Variants in RTN1 observed in about 807,000 individuals in gnomAD.
RTN1 encodes the protein reticulon 1.
RTN1 carries 25 observed loss-of-function variants against 65.5 expected under a neutral mutation model. That is an observed-to-expected ratio of 0.38 (90% confidence interval 0.28 to 0.53). The LOEUF is 0.53. Among genes scored for constraint, RTN1 ranks in the 20% least tolerant of loss-of-function variants. The pLI, the probability that RTN1 is intolerant of heterozygous loss-of-function variation, is 0.79. For missense variants in RTN1, 983 were observed against 1,025.4 expected (o/e 0.96, Z 0.57); for synonymous variants, 471 against 447.6 (o/e 1.05, Z -0.66).
At position 59,746,117 on chromosome 14, in the gene RTN1, G is replaced by C. The variant is rs774073373; in HGVS notation, c.606C>G (p.Pro202=). The C allele has an allele frequency of 1.3e-5, 21 of 1,612,318 alleles. No homozygotes were observed. Among genetic ancestry groups the C allele is most frequent in the Non-Finnish European group, 1.7e-5 (20 of 1,179,478 alleles). Reference sequence around the variant, plus strand: ...GTTGTTCTTGGTGCTTCACCTCCTCGGGTCTGGTTATGTCAATGTATTTAT... The same window carrying C: ...GTTGTTCTTGGTGCTTCACCTCCTCCGGTCTGGTTATGTCAATGTATTTAT... ...EAYKYIDITR[P]EEVKHQEQHH... The change falls in exon 2 of 9, where the codon CCC becomes CCG. Residue 202 remains proline (P), a synonymous_variant. Transcript: ENST00000267484.
chr14:59,809,908 CT>C (rs1886698961), intron 1 of RTN1, among the ~76,000 whole-genome samples: 1 of 152,092 alleles, frequency 6.6e-6, no homozygotes, highest in Admixed American at 6.6e-5. Context: ...GAAGGGAAAA[CT>C]TCTGAAATAA....
At chr14:59,615,604 C>CT (rs1295167056) in intron 3 of RTN1, among the ~76,000 whole-genome samples, 3 of 152,162 alleles carry the variant, frequency 2.0e-5, no homozygotes, top group African/African-American at 7.2e-5. Flanking sequence ...TTGTGAAAAT[C>CT]TTACCCTATG....
At chr14:59,667,484 C>T (rs1415780440) in intron 3 of RTN1, among the ~76,000 whole-genome samples, 1 of 152,110 alleles carries the variant, frequency 6.6e-6, no homozygotes, top group Admixed American at 6.6e-5. Context: ...ATATTTTTGA[C>T]AGACCCATAG....
At chr14:59,807,400 G>A (rs529416276) in intron 1 of RTN1, among the ~76,000 whole-genome samples, 8 of 152,310 alleles carry the variant, frequency 5.3e-5, no homozygotes, top group South Asian at 2.1e-4. Flanking sequence ...AAGCTCTTTA[G>A]GGATGGGTGT....
chr14:59,865,724 C>T (rs574295436), intron 1 of RTN1, among the ~76,000 whole-genome samples: 10 of 152,248 alleles, frequency 6.6e-5, no homozygotes, highest in African/African-American at 2.4e-4. Flanking sequence ...TATGTAGATA[C>T]GTTTGTCTCT....
At chr14:59,857,892 C>T (rs958879925) in intron 1 of RTN1, among the ~76,000 whole-genome samples, 1 of 152,190 alleles carries the variant, frequency 6.6e-6, no homozygotes, top group African/African-American at 2.4e-5. Context: ...AAACTAGGCT[C>T]ATCATTGCTC....
chr14:59,852,943 G>T (rs562258900), intron 1 of RTN1, among the ~76,000 whole-genome samples: 1 of 152,216 alleles, frequency 6.6e-6, no homozygotes, highest in African/African-American at 2.4e-5. Flanking sequence ...TTCATACTTT[G>T]TGTCTGTGTA....
chr14:59,831,227 A>G (rs74061330), intron 1 of RTN1, among the ~76,000 whole-genome samples: 1,525 of 152,330 alleles, frequency 0.01, 38 homozygotes, highest in African/African-American at 0.035. Context: ...TGGTGTTTTT[A>G]TGAAGATGTT....
rs922808698 is a variant in RTN1, at chr14:59,766,285, T to C, written c.242-19804A>G. On this transcript the variant is annotated intron_variant, in intron 1 of 8. Transcript: ENST00000267484. The surrounding 1 kb of genome is among the most constrained non-coding windows in gnomAD (Gnocchi z 4.4). ...ATTTAATCTGTGCCTCAACACAAGG[T>C]AGTTTTCGAAATAAATGCTTACTGA... Among the ~76,000 whole-genome samples the C allele has an allele frequency of 1.3e-5, 2 of 152,020 alleles. No homozygotes were observed. The highest frequency in any genetic ancestry group is 2.9e-5 in the Non-Finnish European group (2 of 68,020).
rs10148755 is a variant in RTN1 at position 59,596,589 on chromosome 14, G to T, written c.*156C>A. On this transcript the variant is annotated 3_prime_UTR_variant, in exon 9 of 9. Transcript: ENST00000267484. ...TGACTCAAATATCCTAAGAGTACAA[G>T]GAACAGCCTAAAAACAGCTGTTTTA... 1.0e-4 allele frequency: 65 copies of T among 646,830 alleles called. No individual in the cohort carries two copies. In the Admixed American group the frequency reaches 1.5e-3, roughly 15 times the overall value. The allele number at this position is 646,830 out of a possible 1,614,324, so 40.1% of individuals were successfully genotyped here. A position where few individuals can be genotyped will look rare whatever the true frequency, so the allele number is the denominator to read the frequency against.
intron 3 of RTN1, among the ~76,000 whole-genome samples, chr14:59,638,134 G>A (rs959580955): frequency 6.7e-6 from 1 of 148,832 alleles, no homozygotes; most frequent in Admixed American, 6.8e-5. Flanking sequence ...TTACAGGCAT[G>A]AGCCACTGCG....
Position 59,814,075 on chromosome 14 carries a change from C to T in RTN1, c.241+56315G>A, listed in dbSNP as rs79976242. Among the ~76,000 whole-genome samples, 353 of 152,278 alleles carry T rather than the reference C, an allele frequency of 2.3e-3. 4 individuals carry two copies. Among genetic ancestry groups the T allele is most frequent in the East Asian group, 0.019 (100 of 5,180 alleles). On this transcript the variant is annotated intron_variant, in intron 1 of 8. Transcript: ENST00000267484. ...ACTCCTGTGAAGCCCAGAGTCCTGC[C>T]TTTCCACAAAGCCTTATTTGACTTA... is the stretch of plus-strand genomic sequence containing the variant.
rs371116690 is a variant in RTN1 at position 59,694,003 on chromosome 14, T to C, written c.1765+32916A>G. ...CTGCTCAGAACCAGGCTGAGTTTTT[T>C]AGTTCCCTTCACCTCAACCTCAATT... On this transcript the variant is annotated intron_variant, in intron 3 of 8. Transcript: ENST00000267484. Among the ~76,000 whole-genome samples the C allele has an allele frequency of 7.9e-5, 12 of 152,326 alleles. No homozygotes were observed. In the South Asian group the frequency reaches 1.2e-3, roughly 16 times the overall value.
intron 2 of RTN1, among the ~76,000 whole-genome samples, chr14:59,736,203 G>C (rs1410152609): frequency 1.3e-5 from 2 of 151,774 alleles, no homozygotes; most frequent in East Asian, 3.9e-4. Context: ...AGGAGACAGA[G>C]ACATGAAAAA....
At chr14:59,861,665 T>C (rs1235734546) in intron 1 of RTN1, among the ~76,000 whole-genome samples, 2 of 152,224 alleles carry the variant, frequency 1.3e-5, no homozygotes, top group African/African-American at 4.8e-5. Flanking sequence ...TATTAGAACA[T>C]TTTCTTTCAT....
chr14:59,705,593 T>C (rs1399138322), intron 3 of RTN1, among the ~76,000 whole-genome samples: 2 of 152,192 alleles, frequency 1.3e-5, no homozygotes, highest in African/African-American at 4.8e-5. Context: ...TGCTAATGTT[T>C]CTCCCTGTCC....
chr14:59,643,529 T>C (rs960122027), intron 3 of RTN1, among the ~76,000 whole-genome samples: 2 of 152,212 alleles, frequency 1.3e-5, no homozygotes, highest in Non-Finnish European at 2.9e-5. Flanking sequence ...CCTGAACTTT[T>C]AATGCATGCC....
At chr14:59,841,598 T>C (rs1039981518) in intron 1 of RTN1, among the ~76,000 whole-genome samples, 4 of 151,704 alleles carry the variant, frequency 2.6e-5, no homozygotes, top group Non-Finnish European at 4.4e-5. Flanking sequence ...TCCCAGCTAC[T>C]TGGGAGGCTG....
At chr14:59,704,258 A>G (rs1370709493) in intron 3 of RTN1, among the ~76,000 whole-genome samples, 1 of 152,202 alleles carries the variant, frequency 6.6e-6, no homozygotes, top group Non-Finnish European at 1.5e-5. Flanking sequence ...CTTCAAGAAC[A>G]ACCCCGCCCC....
Sources: allele counts gnomAD v4.1 joint callset (sites outside exome capture counted in the v4.1 genomes callset), GRCh38; gene constraint gnomAD v4.1.1; non-coding constraint Gnocchi (gnomAD v3.1); transcripts MANE v1.5; gene names NCBI Gene and HGNC (gene_info 2026-07-23, HGNC 2026-07-21).